Variants in DLG2 observed in about 807,000 individuals in gnomAD.
The protein encoded by DLG2 is disks large homolog 2.
DLG2 carries 45 observed loss-of-function variants against 132.5 expected under a neutral mutation model. The ratio of observed to expected loss-of-function variants is 0.34; its 90% CI spans 0.27 to 0.44. The LOEUF is 0.44. DLG2 is among the 20% of genes least tolerant of loss of function. The pLI is 1.00. For synonymous variants in DLG2, 424 were observed against 419.6 expected, an observed-to-expected ratio of 1.01 and a Z score of -0.13; for missense variants, 1,045 against 1,196.9, an observed-to-expected ratio of 0.87 and a Z score of 1.87.
At chr11:84,548,233 G>A (rs752882865) in intron 6 of DLG2, among the ~76,000 whole-genome samples, 3 of 152,012 alleles carry the variant, frequency 2.0e-5, no homozygotes, top group African/African-American at 7.2e-5. Flanking sequence ...GAGCAGCTAC[G>A]GAAGCATAAC....
At chr11:84,988,563 C>T (rs1418033946) in intron 6 of DLG2, among the ~76,000 whole-genome samples, 2 of 152,118 alleles carry the variant, frequency 1.3e-5, no homozygotes, top group East Asian at 3.8e-4. Flanking sequence ...GAATTAATGG[C>T]TTTCGCAGCA....
intron 6 of DLG2, among the ~76,000 whole-genome samples, chr11:84,718,938 G>C (rs1391453145): frequency 6.6e-6 from 1 of 152,178 alleles, no homozygotes; most frequent in Non-Finnish European, 1.5e-5. Flanking sequence ...ACCCTACAGT[G>C]TAACCTATCA....
At chr11:85,416,178 T>C (rs1215013738) in intron 3 of DLG2, among the ~76,000 whole-genome samples, 1 of 151,726 alleles carries the variant, frequency 6.6e-6, no homozygotes, top group Non-Finnish European at 1.5e-5. Context: ...GATCAGATGG[T>C]TGTAGATGTG....
At chr11:83,502,439 A>C (rs972656654) in intron 21 of DLG2, among the ~76,000 whole-genome samples, 1 of 151,418 alleles carries the variant, frequency 6.6e-6, no homozygotes, top group Non-Finnish European at 1.5e-5. Flanking sequence ...CTTCCTATAA[A>C]ATTTTATACC....
intron 7 of DLG2, among the ~76,000 whole-genome samples, chr11:84,442,924 G>A (rs1332559669): frequency 6.6e-6 from 1 of 151,966 alleles, no homozygotes; most frequent in East Asian, 1.9e-4. Flanking sequence ...TTATCACTAT[G>A]GACAATAGGA....
intron 9 of DLG2, among the ~76,000 whole-genome samples, chr11:84,106,839 GTGTTT>G (rs2092957035): frequency 1.5e-5 from 2 of 137,030 alleles, no homozygotes; most frequent in South Asian, 4.8e-4. Context: ...GTGTGTGTGT[GTGTTT>G]GAGTGAGTGT....
intron 19 of DLG2, among the ~76,000 whole-genome samples, chr11:83,591,374 G>C (rs1473207293): frequency 0.013 from 1,408 of 112,112 alleles, 31 homozygotes; most frequent in African/African-American, 0.048. Flanking sequence ...CATATAAACA[G>C]AGCCAAAGAC....
intron 6 of DLG2, among the ~76,000 whole-genome samples, chr11:84,801,336 G>T (rs555729451): frequency 6.6e-6 from 1 of 152,138 alleles, no homozygotes; most frequent in Non-Finnish European, 1.5e-5. Context: ...CTTTGAGGCC[G>T]AGGCGGGCGG....
chr11:84,045,434 A>T (rs1020786103), intron 11 of DLG2, among the ~76,000 whole-genome samples: 1 of 151,790 alleles, frequency 6.6e-6, no homozygotes, highest in African/African-American at 2.4e-5. Context: ...CAAGTGTATA[A>T]GTCTACAAAT....
chr11:84,995,020 A>G (rs2057499396), intron 6 of DLG2, among the ~76,000 whole-genome samples: 1 of 152,208 alleles, frequency 6.6e-6, no homozygotes, highest in Admixed American at 6.5e-5. Context: ...GACCCATGCT[A>G]AGAAATGCTG....
At chr11:85,482,111 G>C (rs1421628728) in intron 3 of DLG2, among the ~76,000 whole-genome samples, 1 of 151,784 alleles carries the variant, frequency 6.6e-6, no homozygotes, top group Non-Finnish European at 1.5e-5. Context: ...CCAGGCTGCA[G>C]ACCACCCCTA....
intron 7 of DLG2, among the ~76,000 whole-genome samples, chr11:84,422,615 G>A (rs537008199): frequency 3.8e-4 from 58 of 152,230 alleles, no homozygotes; most frequent in African/African-American, 1.3e-3. Context: ...ATTGGGCACA[G>A]CTAAATCATT....
chr11:84,530,029 A>C (rs572215052), intron 7 of DLG2, among the ~76,000 whole-genome samples: 68 of 152,306 alleles, frequency 4.5e-4, no homozygotes, highest in African/African-American at 1.6e-3. Flanking sequence ...GTGGAAAAAA[A>C]CCGGCAATGG....
At chr11:84,667,861 A>G (rs1040490452) in intron 6 of DLG2, among the ~76,000 whole-genome samples, 5 of 152,120 alleles carry the variant, frequency 3.3e-5, no homozygotes, top group African/African-American at 1.2e-4. Context: ...GTCCCCACCC[A>G]AAAAGTTAAC....
intron 4 of DLG2, among the ~76,000 whole-genome samples, chr11:85,190,143 T>C (rs750097203): frequency 2.0e-5 from 3 of 152,152 alleles, no homozygotes; most frequent in East Asian, 1.9e-4. Context: ...GTGTAATCAG[T>C]ATAGAAAATT....
intron 6 of DLG2, chr11:84,890,753 G>C (rs1259108718): frequency 6.6e-6 from 1 of 152,278 alleles, no homozygotes; most frequent in African/African-American, 2.4e-5. Flanking sequence ...AGAGCTGTCT[G>C]TCTTTTCCAT....
At chr11:85,499,266 C>A (rs1203101171) in intron 3 of DLG2, among the ~76,000 whole-genome samples, 3 of 152,030 alleles carry the variant, frequency 2.0e-5, no homozygotes, top group African/African-American at 4.8e-5. Context: ...AAGGGGATAT[C>A]ACCACTGATC....
chr11:85,375,090 T>G (rs2085300932), intron 3 of DLG2, among the ~76,000 whole-genome samples: 1 of 152,078 alleles, frequency 6.6e-6, no homozygotes, highest in Admixed American at 6.6e-5. Context: ...CCTTCTTTTT[T>G]CTTTTCTTTT....
intron 6 of DLG2, among the ~76,000 whole-genome samples, chr11:84,668,951 T>A (rs1257437026): frequency 1.3e-5 from 2 of 151,868 alleles, no homozygotes; most frequent in African/African-American, 4.8e-5. Context: ...CAGAAAAAAA[T>A]AAGCAAACAA....
Sources: gnomAD v4.1 joint callset for allele counts (sites outside exome capture counted in the v4.1 genomes callset) on GRCh38, gnomAD v4.1.1 for gene constraint, MANE v1.5 for transcripts, NCBI Gene and HGNC (gene_info 2026-07-23, HGNC 2026-07-21) for gene names.